The following DIAPH2 variants were observed in gnomAD, a reference collection of about 807,000 sequenced individuals.
DIAPH2 encodes the protein diaphanous related formin 2.
A neutral mutation model predicts 92.7 loss-of-function variants in DIAPH2; 35 were observed. That is an observed-to-expected ratio of 0.38 (90% CI 0.29 to 0.50). The LOEUF is 0.50. DIAPH2 is among the 20% of genes least tolerant of loss of function. The probability of loss-of-function intolerance (pLI) is 0.94; values close to 1 mark genes in which losing one functional copy is unlikely to be tolerated. For missense variants in DIAPH2, 701 were observed against 819.5 expected (o/e 0.86, Z 1.77); for synonymous variants, 301 against 280.4 (o/e 1.07, Z -0.73).
chrX:96,811,798 G>T (rs750652189), intron 4 of DIAPH2, among the ~76,000 whole-genome samples: 1 of 111,662 alleles, frequency 9.0e-6, no homozygotes, highest in African/African-American at 3.3e-5. Flanking sequence ...TTTGTCTTTG[G>T]TTCTGTTTAT....
rs770948503 is a variant in DIAPH2 at position 96,694,322 on chromosome X, T to A, written c.132+9132T>A. Among the ~76,000 whole-genome samples, 60 of 109,955 alleles carry A rather than the reference T, an allele frequency of 5.5e-4. No individual in the cohort carries two copies. The South Asian group carries it at 0.01, about 19-fold the overall frequency. On this transcript the variant is annotated intron_variant, in intron 1 of 26. Coordinates refer to ENST00000324765, the MANE Select transcript of DIAPH2 (RefSeq NM_006729.5). ...CATAATTGTTTCACAGAGTTTTATATGGTTACGCATTATCTAGGCTGCATT... is the reference window on the plus strand; with the variant it reads ...CATAATTGTTTCACAGAGTTTTATAAGGTTACGCATTATCTAGGCTGCATT...
intron 17 of DIAPH2, among the ~76,000 whole-genome samples, chrX:97,017,054 C>T (rs2066265757): frequency 9.0e-6 from 1 of 111,643 alleles, no homozygotes. Context: ...CTGTTTTTAA[C>T]ACCTTCCTTG....
At chrX:97,344,775 A>C (rs899660290) in intron 23 of DIAPH2, among the ~76,000 whole-genome samples, 13 of 112,569 alleles carry the variant, frequency 1.2e-4, no homozygotes, top group African/African-American at 4.2e-4. Context: ...CACTACATGG[A>C]CATGTTTTAG....
intron 23 of DIAPH2, among the ~76,000 whole-genome samples, chrX:97,305,221 G>A (rs760840264): frequency 3.7e-4 from 42 of 112,001 alleles, no homozygotes; most frequent in African/African-American, 1.2e-3. Context: ...GGTTGGGCGC[G>A]GTGGCTCATG....
At chrX:97,299,529 C>T (rs2068676102) in intron 23 of DIAPH2, among the ~76,000 whole-genome samples, 1 of 111,976 alleles carries the variant, frequency 8.9e-6, no homozygotes, top group East Asian at 2.8e-4. Flanking sequence ...CAATGTCCCT[C>T]ATTTTTGAGA....
chrX:97,106,276 G>A (rs2066940001), intron 20 of DIAPH2, among the ~76,000 whole-genome samples: 1 of 111,202 alleles, frequency 9.0e-6, no homozygotes, highest in African/African-American at 3.3e-5. Flanking sequence ...GTAAATATTA[G>A]TGCTAGTTCT....
At chrX:96,870,145 C>T (rs1246331815) in intron 4 of DIAPH2, among the ~76,000 whole-genome samples, 1 of 111,527 alleles carries the variant, frequency 9.0e-6, no homozygotes, top group African/African-American at 3.3e-5. Flanking sequence ...TCAGTTTTCA[C>T]AGCAGAAGAA....
chrX:96,775,317 A>G (rs1196870555), intron 4 of DIAPH2, among the ~76,000 whole-genome samples: 4 of 100,291 alleles, frequency 4.0e-5, no homozygotes, highest in African/African-American at 1.4e-4. Flanking sequence ...AATACACCCA[A>G]TCTAAATGTT....
In DIAPH2 at chrX:96,832,805, G is replaced by T. The variant is rs1409398707; in HGVS notation, c.448-48774G>T. ...ATGATTCCAGGGCTTTTCCCAACTT[G>T]GAAATTCTTAGTTTTCAAAGTACTT... On this transcript the variant is annotated intron_variant, in intron 4 of 26. Transcript: ENST00000324765. 7.2e-5 allele frequency among the ~76,000 whole-genome samples: 8 copies of T among 111,039 alleles called. No individual in the cohort carries two copies. The East Asian group carries it at 2.2e-3, about 31-fold the overall frequency.
intron 1 of DIAPH2, among the ~76,000 whole-genome samples, chrX:96,729,291 A>G (rs988760925): frequency 1.8e-5 from 2 of 112,359 alleles, no homozygotes; most frequent in Non-Finnish European, 3.8e-5. Context: ...TATAAAGCAA[A>G]CAAACATTCT....
chrX:96,993,409 A>G (rs940349535), intron 17 of DIAPH2, among the ~76,000 whole-genome samples: 11 of 112,465 alleles, frequency 9.8e-5, no homozygotes, highest in East Asian at 2.8e-4. Context: ...TAATCGGCTT[A>G]TGGTTCTGTG....
intron 4 of DIAPH2, among the ~76,000 whole-genome samples, chrX:96,846,222 A>G (rs6620190): frequency 0.12 from 13,110 of 107,268 alleles, 671 homozygotes; most frequent in East Asian, 0.31. Context: ...ATCTTGGCTC[A>G]CTGCAACCTC....
chrX:97,038,532 CTT>C (rs756037796), intron 17 of DIAPH2, among the ~76,000 whole-genome samples: 4 of 94,500 alleles, frequency 4.2e-5, no homozygotes, highest in Admixed American at 1.2e-4. Context: ...TGTTTTTTGA[CTT>C]TTTTTTTTTT....
At chrX:97,506,979 T>C (rs1344305580) in intron 26 of DIAPH2, among the ~76,000 whole-genome samples, 2 of 110,956 alleles carry the variant, frequency 1.8e-5, no homozygotes, top group Non-Finnish European at 3.8e-5. Context: ...AGAGCTAAAA[T>C]GTTGTTTATA....
At chrX:97,275,425 C>G (rs1158017728) in intron 23 of DIAPH2, among the ~76,000 whole-genome samples, 1 of 107,039 alleles carries the variant, frequency 9.3e-6, no homozygotes, top group Non-Finnish European at 2.0e-5. Flanking sequence ...GGGCTGCCCC[C>G]CCTTCACCTC....
intron 17 of DIAPH2, among the ~76,000 whole-genome samples, chrX:96,977,872 C>T (rs1377622101): frequency 1.8e-5 from 2 of 111,095 alleles, no homozygotes; most frequent in East Asian, 2.8e-4. Context: ...TTAGTAGAGA[C>T]GGCATTTCGC....
chrX:96,861,428 G>T (rs1478340249), intron 4 of DIAPH2, among the ~76,000 whole-genome samples: 1 of 111,185 alleles, frequency 9.0e-6, no homozygotes, highest in Admixed American at 9.6e-5. Context: ...CTTCCAATCT[G>T]TGACCACATT....
chrX:96,916,385 A>G, intron 7 of DIAPH2, 53 bp from the exon 8 acceptor site: 1 of 1,050,705 alleles, frequency 9.5e-7, no homozygotes, highest in Non-Finnish European at 1.2e-6. Flanking sequence ...TTTTTAAATT[A>G]AAGATATATT....
intron 11 of DIAPH2, among the ~76,000 whole-genome samples, 176 bp downstream of exon 11, chrX:96,937,527 C>T (rs1057167251): frequency 9.0e-6 from 1 of 111,640 alleles, no homozygotes; most frequent in Non-Finnish European, 1.9e-5. Flanking sequence ...AATTGTCAGG[C>T]TGTCTTGATG....
Sources: allele counts gnomAD v4.1 joint callset (sites outside exome capture counted in the v4.1 genomes callset), GRCh38; gene constraint gnomAD v4.1.1; transcripts MANE v1.5; gene names NCBI Gene and HGNC (gene_info 2026-07-23, HGNC 2026-07-21).